Variants in SPTBN1 observed in about 807,000 individuals in gnomAD.
SPTBN1 encodes the protein spectrin beta, non-erythrocytic 1.
In SPTBN1, 32 loss-of-function variants were observed where a neutral mutation model predicts 266.4. That is an observed-to-expected ratio of 0.12 (90% CI 0.09 to 0.16). SPTBN1 has a LOEUF of 0.16. Among genes scored for constraint, SPTBN1 ranks in the 10% least tolerant of loss-of-function variants. The pLI is 1.00. For synonymous variants in SPTBN1, 1,336 were observed against 1,162.2 expected (o/e 1.15, Z -3.04); for missense variants, 2,296 against 3,067.1 (o/e 0.75, Z 5.94).
At chr2:54,583,355 A>G (rs7586066) in intron 2 of SPTBN1, among the ~76,000 whole-genome samples, 24,065 of 152,130 alleles carry the variant, frequency 0.16, 1,984 homozygotes, top group Middle Eastern at 0.21. Context: ...TAGTAGAGCA[A>G]TTTAAAACCT....
chr2:54,659,823 G>T, intron 31 of SPTBN1, 113 bp from the exon 32 acceptor site: 1 of 1,462,136 alleles, frequency 6.8e-7, no homozygotes, highest in South Asian at 1.5e-5. Flanking sequence ...TAAATTATGT[G>T]AAAAGGTTGC....
At chr2:54,549,865 T>C (rs1027278597) in intron 2 of SPTBN1, among the ~76,000 whole-genome samples, 1 of 152,082 alleles carries the variant, frequency 6.6e-6, no homozygotes, top group African/African-American at 2.4e-5. Flanking sequence ...TCAGTTTGGG[T>C]GTAGCAGAGG....
chr2:54,573,803 A>C (rs1292318341), intron 2 of SPTBN1, among the ~76,000 whole-genome samples: 1 of 152,112 alleles, frequency 6.6e-6, no homozygotes, highest in Non-Finnish European at 1.5e-5. Flanking sequence ...ACAGGGGTGT[A>C]ATTTCTATCT....
intron 3 of SPTBN1, among the ~76,000 whole-genome samples, chr2:54,604,762 G>A (rs1355666643): frequency 2.0e-5 from 3 of 152,138 alleles, no homozygotes; most frequent in African/African-American, 7.2e-5. Flanking sequence ...CCTTGGGAGG[G>A]GGAAACAGAA....
Position 54,558,419 on chromosome 2 carries a change from C to G in SPTBN1, c.148+31853C>G, listed in dbSNP as rs1263007733. On this transcript the variant is annotated intron_variant, in intron 2 of 35. Transcript: ENST00000356805. This position sits in a 1 kb window ranked among gnomAD's most constrained non-coding sequence, Gnocchi z 4.6. ...GGTGTGCGCGCTGCGCCCGCGAGCT[C>G]CCGGGCTCGGCAACCGTGGCATGCT... 2.9e-6 allele frequency: 3 copies of G among 1,019,200 alleles called. No homozygotes were observed. Among genetic ancestry groups the G allele is most frequent in the African/African-American group, 3.4e-5 (2 of 58,342 alleles). 63.1% of individuals were successfully genotyped at this position (1,019,200 alleles called of 1,614,324 possible).
chr2:54,526,411 A>C lies in SPTBN1; in HGVS notation c.-8A>C, dbSNP rs748254111. The C allele has an allele frequency of 6.2e-7, 1 of 1,613,742 alleles. No individual in the cohort carries two copies. The highest frequency in any genetic ancestry group is 8.5e-7 in the Non-Finnish European group (1 of 1,179,850). ...GCTGATGTGGAGGAGCAGCTGAGAC[A>C]GTTCAAGATGACGACCACAGTAGCC... On this transcript the variant is annotated 5_prime_UTR_variant, in exon 2 of 36. Coordinates refer to ENST00000356805, the MANE Select transcript of SPTBN1 (RefSeq NM_003128.3).
At chr2:54,568,179 G>A (rs954591185) in intron 2 of SPTBN1, among the ~76,000 whole-genome samples, 3 of 151,886 alleles carry the variant, frequency 2.0e-5, no homozygotes, top group South Asian at 2.1e-4. Flanking sequence ...TCGGGAGTTC[G>A]AGACCAGCCT....
chr2:54,502,738 G>T (rs1340287747), intron 1 of SPTBN1, among the ~76,000 whole-genome samples: 1 of 152,148 alleles, frequency 6.6e-6, no homozygotes, highest in Non-Finnish European at 1.5e-5. Flanking sequence ...GTGAAAGCAA[G>T]GTGAAGGGCT....
At chr2:54,586,654 T>A (rs1478739532) in intron 2 of SPTBN1, among the ~76,000 whole-genome samples, 1 of 152,248 alleles carries the variant, frequency 6.6e-6, no homozygotes, top group Non-Finnish European at 1.5e-5. Context: ...GTGGTGGCTT[T>A]AAGTCTTTTG....
chr2:54,650,604 C>A (rs2104111426), intron 26 of SPTBN1, among the ~76,000 whole-genome samples: 1 of 152,198 alleles, frequency 6.6e-6, no homozygotes, highest in South Asian at 2.1e-4. Flanking sequence ...AGAGAAGAAG[C>A]CAATTTTATT....
chr2:54,483,238 C>T (rs1282221314), intron 1 of SPTBN1, among the ~76,000 whole-genome samples: 1 of 152,142 alleles, frequency 6.6e-6, no homozygotes, highest in Non-Finnish European at 1.5e-5. Context: ...AGTGCTAGCA[C>T]ATATTTCCCG....
intron 2 of SPTBN1, among the ~76,000 whole-genome samples, chr2:54,562,533 C>CTTTCTTTCTTTTTTT (rs1673374945): frequency 7.9e-6 from 1 of 126,828 alleles, no homozygotes; most frequent in African/African-American, 3.2e-5. Context: ...TTTTCTTTTT[C>CTTTCTTTCTTTTTTT]TTTTTTTTTT....
chr2:54,556,080 A>T (rs533968643), intron 2 of SPTBN1, among the ~76,000 whole-genome samples: 1 of 152,354 alleles, frequency 6.6e-6, no homozygotes, highest in East Asian at 1.9e-4. Flanking sequence ...GCACACATTA[A>T]ATACTGTAAA....
chr2:54,522,697 G>GAGAAAGAGAAAGAA (rs1553439439), intron 1 of SPTBN1, among the ~76,000 whole-genome samples: 1,246 of 96,444 alleles, frequency 0.013, 31 homozygotes, highest in Non-Finnish European at 0.015. Flanking sequence ...GAGAGAGAGA[G>GAGAAAGAGAAAGAA]AGAAAGAAAG....
At chr2:54,591,892 C>T (rs1263046719) in intron 2 of SPTBN1, among the ~76,000 whole-genome samples, 1 of 152,108 alleles carries the variant, frequency 6.6e-6, no homozygotes, top group Non-Finnish European at 1.5e-5. Flanking sequence ...AAATATGGGG[C>T]TGGGTGCAGT....
chr2:54,458,057 A>G (rs887357582), intron 1 of SPTBN1, among the ~76,000 whole-genome samples: 1 of 152,238 alleles, frequency 6.6e-6, no homozygotes, highest in Non-Finnish European at 1.5e-5. Flanking sequence ...TGGATCGTCC[A>G]TAATCTGTAA....
rs145229652 is a variant in SPTBN1 at position 54,566,487 on chromosome 2, C to T, written c.149-32605C>T. ...ATAAGCGTGAGCCACTGCGCCTGGC[C>T]CCTGTAAGCATGTTTTTCAAATGTT... On this transcript the variant is annotated intron_variant, in intron 2 of 35. Transcript: ENST00000356805. Among the ~76,000 whole-genome samples, 72 of 152,104 alleles carry T rather than the reference C, an allele frequency of 4.7e-4. 1 individual carries two copies. The East Asian group carries it at 7.2e-3, about 15-fold the overall frequency.
chr2:54,480,375 A>C (rs1322490887), intron 1 of SPTBN1, among the ~76,000 whole-genome samples: 3 of 152,250 alleles, frequency 2.0e-5, no homozygotes, highest in Admixed American at 1.3e-4. Context: ...ATCAAACAAA[A>C]AAGAAGCCAG....
chr2:54,625,555 AG>A (rs374080303), intron 11 of SPTBN1, among the ~76,000 whole-genome samples: 20 of 130,494 alleles, frequency 1.5e-4, no homozygotes, highest in Non-Finnish European at 3.0e-4. Context: ...CCTTTTTTGG[AG>A]GGGGGGTGGC....
Sources: allele counts gnomAD v4.1 joint callset (sites outside exome capture counted in the v4.1 genomes callset), GRCh38; gene constraint gnomAD v4.1.1; non-coding constraint Gnocchi (gnomAD v3.1); transcripts MANE v1.5; gene names NCBI Gene and HGNC (gene_info 2026-07-23, HGNC 2026-07-21).